Variants in CRYBG1 observed in about 807,000 individuals in gnomAD.
CRYBG1 encodes crystallin beta-gamma domain containing 1, also known as beta/gamma crystallin domain-containing protein 1.
In CRYBG1, 139 loss-of-function variants were observed where a neutral mutation model predicts 189.2. The ratio of observed to expected loss-of-function variants is 0.73; its 90% CI spans 0.64 to 0.85. The LOEUF (loss-of-function observed/expected upper bound fraction) is 0.85. CRYBG1 is among the 40% of genes least tolerant of loss of function. CRYBG1 has a pLI of 0.00. For missense variants in CRYBG1, 2,611 were observed against 2,675.8 expected, an observed-to-expected ratio of 0.98 and a Z score of 0.53; for synonymous variants, 1,023 against 1,017.1, an observed-to-expected ratio of 1.01 and a Z score of -0.11.
intron 2 of CRYBG1, among the ~76,000 whole-genome samples, chr6:106,464,344 T>G (rs1310202913): frequency 6.6e-6 from 1 of 152,002 alleles, no homozygotes; most frequent in Non-Finnish European, 1.5e-5. Context: ...ATACAAAAAA[T>G]TAGCCGGGCA....
intron 19 of CRYBG1, 32 bp downstream of exon 19, chr6:106,560,958 C>T (rs1258220743): frequency 1.3e-6 from 2 of 1,531,082 alleles, no homozygotes; most frequent in Admixed American, 4.7e-5. Flanking sequence ...TCTGCATAGA[C>T]TCTTCTCTGA....
intron 1 of CRYBG1, among the ~76,000 whole-genome samples, chr6:106,423,975 G>C (rs1254308584): frequency 6.6e-6 from 1 of 151,966 alleles, no homozygotes. Flanking sequence ...AAAATGCTGG[G>C]ATTACAGGTG....
At chr6:106,493,275 G>A (rs1053945963) in intron 2 of CRYBG1, among the ~76,000 whole-genome samples, 57 of 152,270 alleles carry the variant, frequency 3.7e-4, no homozygotes, top group African/African-American at 1.3e-3. Context: ...AATCATTAGA[G>A]AAATGCAAAT....
chr6:106,568,318 C>A (rs549766689), intron 21 of CRYBG1, among the ~76,000 whole-genome samples, 154 bp from the exon 22 acceptor site: 1 of 152,336 alleles, frequency 6.6e-6, no homozygotes, highest in East Asian at 1.9e-4. Context: ...CCACAGGGGC[C>A]CAGGCTTCCC....
intron 2 of CRYBG1, among the ~76,000 whole-genome samples, chr6:106,482,664 AC>A (rs1221454165): frequency 6.6e-6 from 1 of 152,130 alleles, no homozygotes; most frequent in African/African-American, 2.4e-5. Context: ...ATTCCCAGCT[AC>A]TTGGGAGGCT....
At chr6:106,445,146 A>T (rs6928426) in intron 1 of CRYBG1, among the ~76,000 whole-genome samples, 2,959 of 151,998 alleles carry the variant, frequency 0.019, 32 homozygotes, top group Admixed American at 0.039. Context: ...ATTGGCAACA[A>T]GAAATACTTG....
At chr6:106,363,398 A>G (rs907560996) in intron 1 of CRYBG1, among the ~76,000 whole-genome samples, 1 of 152,134 alleles carries the variant, frequency 6.6e-6, no homozygotes, top group Non-Finnish European at 1.5e-5. Flanking sequence ...TAAACGTACT[A>G]GTCTGTCTTT....
At chr6:106,382,471 T>G (rs1770305452) in intron 1 of CRYBG1, among the ~76,000 whole-genome samples, 1 of 152,222 alleles carries the variant, frequency 6.6e-6, no homozygotes, top group Non-Finnish European at 1.5e-5. Flanking sequence ...TTTGAAATTT[T>G]TGTTCCTTCA....
At chr6:106,366,920 G>A (rs142022294) in intron 1 of CRYBG1, among the ~76,000 whole-genome samples, 7 of 152,276 alleles carry the variant, frequency 4.6e-5, no homozygotes, top group South Asian at 2.1e-4. Context: ...CCCAGAAGTC[G>A]TAACCAGGTC....
intron 2 of CRYBG1, among the ~76,000 whole-genome samples, chr6:106,460,147 C>T (rs887140824): frequency 5.7e-5 from 5 of 87,750 alleles, no homozygotes; most frequent in Non-Finnish European, 8.9e-5. Flanking sequence ...CCACCACGCC[C>T]GGCTAATTTT....
At chr6:106,372,887 A>G (rs1408365352) in intron 1 of CRYBG1, among the ~76,000 whole-genome samples, 1 of 152,216 alleles carries the variant, frequency 6.6e-6, no homozygotes, top group East Asian at 1.9e-4. Context: ...AACCTGAAAG[A>G]AGTATTTTAG....
intron 13 of CRYBG1, among the ~76,000 whole-genome samples, chr6:106,546,584 A>C (rs911888268): frequency 1.3e-5 from 2 of 152,222 alleles, no homozygotes; most frequent in Admixed American, 6.5e-5. Flanking sequence ...AGGCCGTTGC[A>C]TGTGGTGCCA....
At chr6:106,504,648 TGTTTGTGTGTGTGTATA>T in intron 2 of CRYBG1, among the ~76,000 whole-genome samples, 1 of 124,138 alleles carries the variant, frequency 8.1e-6, no homozygotes, top group Admixed American at 9.0e-5. Flanking sequence ...TGCGTGTGTG[TGTTTGTGTGTGTGTATA>T]TGTGTGTGTG....
At chr6:106,503,223 A>G (rs1020058213) in intron 2 of CRYBG1, among the ~76,000 whole-genome samples, 1 of 152,206 alleles carries the variant, frequency 6.6e-6, no homozygotes, top group Non-Finnish European at 1.5e-5. Context: ...CCTAAGGACA[A>G]GAAAGTCAGT....
chr6:106,413,854 A>G (rs932476782), intron 1 of CRYBG1, among the ~76,000 whole-genome samples: 2 of 152,166 alleles, frequency 1.3e-5, no homozygotes, highest in Non-Finnish European at 2.9e-5. Flanking sequence ...AACCACATAC[A>G]ATTGGACAGA....
chr6:106,501,793 G>C (rs1294797455), intron 2 of CRYBG1, among the ~76,000 whole-genome samples: 2 of 152,194 alleles, frequency 1.3e-5, no homozygotes, highest in Non-Finnish European at 2.9e-5. Flanking sequence ...ATTCTCACTA[G>C]AAACTACAGG....
At chr6:106,387,963 T>C (rs1261134003) in intron 1 of CRYBG1, among the ~76,000 whole-genome samples, 2 of 152,204 alleles carry the variant, frequency 1.3e-5, no homozygotes, top group African/African-American at 4.8e-5. Context: ...TGTCTGCTAC[T>C]CTTTAAAACA....
At chr6:106,431,783 C>CTACA (rs1460305823) in intron 1 of CRYBG1, among the ~76,000 whole-genome samples, 2 of 152,002 alleles carry the variant, frequency 1.3e-5, no homozygotes, top group Non-Finnish European at 2.9e-5. Context: ...GGAATGTTTC[C>CTACA]GTACCCTACA....
intron 1 of CRYBG1, among the ~76,000 whole-genome samples, chr6:106,422,563 C>A (rs1170178211): frequency 1.1e-5 from 1 of 93,018 alleles, no homozygotes; most frequent in Non-Finnish European, 2.0e-5. Flanking sequence ...GAACTTCTGG[C>A]CTCAAGTAAT....
Sources: allele counts gnomAD v4.1 joint callset (sites outside exome capture counted in the v4.1 genomes callset), GRCh38; gene constraint gnomAD v4.1.1; transcripts MANE v1.5; gene names NCBI Gene and HGNC (gene_info 2026-07-23, HGNC 2026-07-21).